The following FHIP2A variants were observed in gnomAD, a reference collection of about 807,000 sequenced individuals.
FHIP2A encodes the protein family with sequence similarity 160 member B1.
A neutral mutation model predicts 93.5 loss-of-function variants in FHIP2A; 46 were observed. That is an observed-to-expected ratio of 0.49 (90% CI 0.39 to 0.63). The LOEUF is 0.63. FHIP2A is among the 20% of genes least tolerant of loss of function. The pLI is 0.00. For missense variants in FHIP2A, 769 were observed against 909.7 expected (o/e 0.85, Z 1.99); for synonymous variants, 332 against 326.5 (o/e 1.02, Z -0.18).
intron 16 of FHIP2A, among the ~76,000 whole-genome samples, chr10:114,881,161 C>A (rs917837018): frequency 2.0e-5 from 3 of 152,160 alleles, no homozygotes; most frequent in African/African-American, 7.2e-5. Flanking sequence ...CCTTTTGGGG[C>A]CTGAAAATTT....
At chr10:114,843,696 G>A (rs548125798) in intron 6 of FHIP2A, 45 bp from the exon 7 acceptor site, 1 of 1,356,138 alleles carries the variant, frequency 7.4e-7, no homozygotes, top group Admixed American at 2.8e-5. Flanking sequence ...ACAACCTGAT[G>A]TATATACAAT....
rs184234510 is a variant in FHIP2A, at chr10:114,833,135, C to T, written c.125-98C>T. 1.6e-4 allele frequency: 145 copies of T among 900,726 alleles called. No homozygotes were observed. The African/African-American group carries it at 2.2e-3, about 14-fold the overall frequency. 55.8% of individuals were successfully genotyped at this position (900,726 alleles called of 1,614,324 possible). On this transcript the variant is annotated intron_variant, in intron 2 of 16. Coordinates refer to ENST00000369248, the MANE Select transcript of FHIP2A (RefSeq NM_020940.4). ...ACTTAAGTGTGTAGTTCAGATTTTTCTCAGTTTGAATAGGAAAAGGGAAAT... is the reference window on the plus strand; with the variant it reads ...ACTTAAGTGTGTAGTTCAGATTTTTTTCAGTTTGAATAGGAAAAGGGAAAT...
At chr10:114,869,815 C>T (rs2083848128) in intron 16 of FHIP2A, among the ~76,000 whole-genome samples, 2 of 152,048 alleles carry the variant, frequency 1.3e-5, no homozygotes, top group Non-Finnish European at 2.9e-5. Flanking sequence ...TGGAATTTGA[C>T]ATTGAAATAA....
intron 16 of FHIP2A, among the ~76,000 whole-genome samples, chr10:114,881,110 AC>A (rs2083914868): frequency 6.6e-6 from 1 of 152,214 alleles, no homozygotes; most frequent in African/African-American, 2.4e-5. Flanking sequence ...GCCTGAACTA[AC>A]GAGGGGGCTG....
intron 16 of FHIP2A, among the ~76,000 whole-genome samples, chr10:114,881,726 T>G (rs1002498595): frequency 1.3e-5 from 2 of 152,136 alleles, no homozygotes; most frequent in African/African-American, 2.4e-5. Flanking sequence ...AGCAGGGAGA[T>G]CTACACATTT....
Position 114,861,926 on chromosome 10 carries a change from A to G in FHIP2A, c.*386A>G. The stretch of plus-strand genomic sequence containing the variant: ...CATTTTGACATTCTCTGGGACTCAA[A>G]TGCTTGTATTCTTTTGGATTAATAA... On this transcript the variant is annotated 3_prime_UTR_variant, in exon 17 of 17. Transcript: ENST00000369248. 1.0e-6 allele frequency: 1 copy of G among 987,862 alleles called. No individual in the cohort carries two copies. 61.2% of individuals were successfully genotyped at this position (987,862 alleles called of 1,614,324 possible).
chr10:114,866,104 A>G (rs933118680), downstream of FHIP2A, among the ~76,000 whole-genome samples: 2 of 151,888 alleles, frequency 1.3e-5, no homozygotes, highest in African/African-American at 4.8e-5. Flanking sequence ...TGCATTAGCT[A>G]TTTTTCCTGA....
intron 5 of FHIP2A, among the ~76,000 whole-genome samples, chr10:114,840,865 A>G (rs1194898870): frequency 6.6e-6 from 1 of 152,190 alleles, no homozygotes; most frequent in East Asian, 1.9e-4. Context: ...TCGGTATTGC[A>G]AATCTTTGAT....
chr10:114,858,979 A>T (rs1228191379), intron 14 of FHIP2A, among the ~76,000 whole-genome samples: 1 of 150,946 alleles, frequency 6.6e-6, no homozygotes, highest in Non-Finnish European at 1.5e-5. Context: ...TATCACATGG[A>T]CCCCCCCCAA....
chr10:114,892,180 A>C lies in FHIP2A; in HGVS notation c.2193-7310A>C, dbSNP rs1042835069. 1.5e-4 allele frequency among the ~76,000 whole-genome samples: 23 copies of C among 152,336 alleles called. No individual in the cohort carries two copies. In the Middle Eastern group the frequency reaches 0.014, roughly 90 times the overall value. On this transcript the variant is annotated intron_variant, in intron 16 of 16. Coordinates refer to the FHIP2A transcript ENST00000369250. ...TTTCATAGGGTGAAGAAAATTCAACAGTTTAAATTTTTATCTTTCTGCAAA... is the reference window on the plus strand; with the variant it reads ...TTTCATAGGGTGAAGAAAATTCAACCGTTTAAATTTTTATCTTTCTGCAAA...
At chr10:114,845,323 C>T (rs756666059) in intron 7 of FHIP2A, 44 bp from the exon 8 acceptor site, 81 of 1,133,974 alleles carry the variant, frequency 7.1e-5, no homozygotes, top group Non-Finnish European at 1.0e-4. Flanking sequence ...AGGGTCCATG[C>T]TTTTGGATAA....
chr10:114,880,680 AACAC>A (rs71473073), intron 16 of FHIP2A, among the ~76,000 whole-genome samples: 23 of 144,024 alleles, frequency 1.6e-4, no homozygotes, highest in East Asian at 1.0e-3. Context: ...ACTCCATGTC[AACAC>A]ACACACACAC....
intron 5 of FHIP2A, among the ~76,000 whole-genome samples, chr10:114,839,356 A>G (rs1236770151): frequency 6.6e-6 from 1 of 151,912 alleles, no homozygotes; most frequent in Non-Finnish European, 1.5e-5. Flanking sequence ...CAAACTCCCA[A>G]CCTCAGGTGA....
At chr10:114,887,490 G>A (rs901604244) in intron 16 of FHIP2A, among the ~76,000 whole-genome samples, 3 of 152,158 alleles carry the variant, frequency 2.0e-5, no homozygotes, top group Non-Finnish European at 4.4e-5. Flanking sequence ...GGAAACTAAC[G>A]CACAGACAAA....
chr10:114,879,939 G>T (rs2083908595), intron 16 of FHIP2A, among the ~76,000 whole-genome samples: 1 of 152,198 alleles, frequency 6.6e-6, no homozygotes. Context: ...GACTGCAGGT[G>T]CACACCATCA....
chr10:114,896,176 A>T lies in FHIP2A; in HGVS notation c.2193-3314A>T, dbSNP rs187611805. Among the ~76,000 whole-genome samples, 17 of 152,124 alleles carry T rather than the reference A, an allele frequency of 1.1e-4. No individual in the cohort carries two copies. In the East Asian group the frequency reaches 2.7e-3, roughly 24 times the overall value. On this transcript the variant is annotated intron_variant, in intron 16 of 16. Transcript: ENST00000369250. ...CTGGAACACAGAGGATTATCTAGAG[A>T]CCCTCTTAGTACTTCTATGCACAAT... is the stretch of plus-strand genomic sequence containing the variant.
chr10:114,869,965 TATC>T (rs2083849168), intron 16 of FHIP2A, among the ~76,000 whole-genome samples: 1 of 152,076 alleles, frequency 6.6e-6, no homozygotes, highest in Admixed American at 6.5e-5. Context: ...TGTTGCTCAT[TATC>T]ATTTTCATTT....
At chr10:114,833,477 A>G in intron 3 of FHIP2A, 75 bp downstream of exon 3, 1 of 1,342,222 alleles carries the variant, frequency 7.5e-7, no homozygotes, top group Admixed American at 1.9e-5. Context: ...GAAGCTGCCA[A>G]ATACTTGATT....
chr10:114,855,722 G>A (rs892104557), intron 14 of FHIP2A, among the ~76,000 whole-genome samples: 2 of 152,168 alleles, frequency 1.3e-5, no homozygotes, highest in Admixed American at 1.3e-4. Flanking sequence ...ATTGAATCTT[G>A]AACACTGGTC....
Sources: gnomAD v4.1 joint callset for allele counts (sites outside exome capture counted in the v4.1 genomes callset) on GRCh38, gnomAD v4.1.1 for gene constraint, MANE v1.5 for transcripts, NCBI Gene and HGNC (gene_info 2026-07-23, HGNC 2026-07-21) for gene names.